CAPN6: variants seen among roughly 807,000 people sequenced by gnomAD.
CAPN6 encodes calpain-6.
In CAPN6, 16 loss-of-function variants were observed where a neutral mutation model predicts 46.0. That is an observed-to-expected ratio of 0.35 (90% CI 0.24 to 0.53). The LOEUF (loss-of-function observed/expected upper bound fraction) is 0.53. Among genes scored for constraint, CAPN6 ranks in the 20% least tolerant of loss-of-function variants. The pLI is 0.94. For synonymous variants in CAPN6, 206 were observed against 172.8 expected, an observed-to-expected ratio of 1.19 and a Z score of -1.51; for missense variants, 461 against 498.0, an observed-to-expected ratio of 0.93 and a Z score of 0.71.
chrX:111,247,894 A>G lies in CAPN6; in HGVS notation c.1583T>C (p.Leu528Pro), dbSNP rs1168273037. The G allele has an allele frequency of 8.3e-7, 1 of 1,209,025 alleles. No homozygotes were observed. The highest frequency in any genetic ancestry group is 1.1e-6 in the Non-Finnish European group (1 of 894,475). Residue 528 changes from leucine (L) to proline (P), a missense_variant, in exon 11 of 13, where the codon CTG becomes CCG. Transcript: ENST00000324068. ...ACTTTCATTGGCATACTTCTTCTCC[A>G]GGTCCTCAGCACTGTGAACAGTGAT... The part of the protein sequence containing the change: ...TQITVHSAED[L>P]EKKYANETVN...
Position 111,254,387 on chromosome X carries a change from G to A in CAPN6, c.182C>T (p.Pro61Leu). The change falls in exon 3 of 13, where the codon CCC (proline) becomes CTC (leucine). Residue 61 changes from proline (P) to leucine (L), a missense_variant. Transcript: ENST00000324068. Reference sequence around the variant, plus strand: ...GCTAATGTTGCCCACAATCAGATGGGGGTCATCACAGATGTCCTATGAATA... The same window carrying A: ...GCTAATGTTGCCCACAATCAGATGGAGGTCATCACAGATGTCCTATGAATA... ...WKRPQDICDD[P>L]HLIVGNISNH... is the part of the protein sequence containing the mutation. 1 of 1,206,019 alleles carries A rather than the reference G, an allele frequency of 8.3e-7. No individual in the cohort carries two copies. The highest frequency in any genetic ancestry group is 1.1e-6 in the Non-Finnish European group (1 of 890,812).
Position 111,263,809 on chromosome X carries a change from C to A in CAPN6, c.128G>T (p.Arg43Leu). The change falls in exon 2 of 13, where the codon CGA becomes CTA. Residue 43 changes from arginine (R) to leucine (L), a missense_variant. Arg to Leu is a moderately radical substitution (Grantham distance 102, BLOSUM62 -2). Transcript: ENST00000324068. ...LPENDSLFYNRLLPGKVVWKR... is the reference protein window; with the variant it reads ...LPENDSLFYNLLLPGKVVWKR... ...CCACACCACCTTTCCAGGAAGCAGT[C>A]GGTTGTAGAAAAGAGAATCATTCTC... The A allele has an allele frequency of 8.3e-7, 1 of 1,208,920 alleles. No individual in the cohort carries two copies. Among genetic ancestry groups the A allele is most frequent in the Non-Finnish European group, 1.1e-6 (1 of 894,252 alleles).
At chrX:111,259,591 C>G (rs1045018946) in intron 2 of CAPN6, among the ~76,000 whole-genome samples, 1 of 112,073 alleles carries the variant, frequency 8.9e-6, no homozygotes, top group Non-Finnish European at 1.9e-5. Context: ...CCACTCTCAA[C>G]CAGACAATGT....
chrX:111,267,668 A>T (rs1277632205), intron 1 of CAPN6, among the ~76,000 whole-genome samples: 2 of 111,892 alleles, frequency 1.8e-5, no homozygotes, highest in African/African-American at 6.5e-5. Flanking sequence ...GTGGTTCACA[A>T]GCCACTTTGG....
chrX:111,245,655 G>T lies in CAPN6; in HGVS notation c.*922C>A, dbSNP rs2094973788. The T allele has an allele frequency of 8.9e-6, 1 of 112,549 alleles. No individual in the cohort carries two copies. The highest frequency in any genetic ancestry group is 3.2e-5 in the African/African-American group (1 of 30,895). 9.3% of individuals were successfully genotyped at this position (112,549 alleles called of 1,213,427 possible). On this transcript the variant is annotated 3_prime_UTR_variant, in exon 13 of 13. Transcript: ENST00000324068. ...CATTGCAGTCAGGGGCCCCAAACTG[G>T]CTGTAATATGTCTGGATGAATTCTC...
intron 11 of CAPN6, 92 bp downstream of exon 11, chrX:111,247,779 G>C (rs758048906): frequency 2.8e-6 from 3 of 1,063,053 alleles, no homozygotes; most frequent in Non-Finnish European, 2.6e-6. Flanking sequence ...ACAAAATATC[G>C]CTGGAGAAAA....
rs17879807 is a variant in CAPN6 at position 111,254,195 on chromosome X, C to A, written c.297+77G>T. 9 of 1,087,455 alleles carry A rather than the reference C, an allele frequency of 8.3e-6. No homozygotes were observed. The African/African-American group carries it at 1.5e-4, about 18-fold the overall frequency. 89.6% of individuals were successfully genotyped at this position (1,087,455 alleles called of 1,213,427 possible). ...AATACAACAATCTAAGGAAGTTATG[C>A]GCTGATTTTTTTCCTAAAGTTATTA... On this transcript the variant is annotated intron_variant, in intron 3 of 12. Transcript: ENST00000324068.
intron 1 of CAPN6, among the ~76,000 whole-genome samples, chrX:111,264,771 C>G (rs1283487281): frequency 9.1e-6 from 1 of 110,326 alleles, no homozygotes; most frequent in Non-Finnish European, 1.9e-5. Context: ...CATATAGTGG[C>G]TCTTCAAGCA....
chrX:111,247,655 C>G (rs1298910441), intron 11 of CAPN6, 151 bp from the exon 12 acceptor site: 2 of 671,841 alleles, frequency 3.0e-6, no homozygotes, highest in Non-Finnish European at 4.4e-6. Context: ...TTCCCACTTC[C>G]CTTTCCTTTT....
intron 2 of CAPN6, 118 bp from the exon 3 acceptor site, chrX:111,254,521 G>A (rs1432634909): frequency 1.4e-5 from 7 of 498,632 alleles, no homozygotes; most frequent in Non-Finnish European, 2.3e-5. Flanking sequence ...TGAAAAATAA[G>A]TAGGATTTCC....
In CAPN6 at chrX:111,246,556, G is replaced by C. The variant is rs765226420; in HGVS notation, c.*21C>G. ...AATAAAAGGGTGGCACGCTTTGTCA[G>C]GATTCTCTGGGATTGCAGATTTAGA... On this transcript the variant is annotated 3_prime_UTR_variant, in exon 13 of 13. Coordinates refer to ENST00000324068, the MANE Select transcript of CAPN6 (RefSeq NM_014289.4). The C allele has an allele frequency of 3.4e-6, 4 of 1,186,426 alleles. No individual in the cohort carries two copies. Among genetic ancestry groups the C allele is most frequent in the Non-Finnish European group, 4.6e-6 (4 of 875,967 alleles).
intron 1 of CAPN6, among the ~76,000 whole-genome samples, chrX:111,268,414 T>A (rs775408626): frequency 4.5e-4 from 51 of 112,561 alleles, no homozygotes; most frequent in Non-Finnish European, 8.1e-4. Flanking sequence ...AGCTTCCCTG[T>A]CTACTTCAGA....
intron 2 of CAPN6, among the ~76,000 whole-genome samples, chrX:111,254,808 G>A (rs1054701643): frequency 2.7e-5 from 3 of 111,733 alleles, no homozygotes; most frequent in Admixed American, 9.5e-5. Context: ...AAGCACCTGT[G>A]CTTGGAAGGG....
At chrX:111,248,448 T>C in intron 10 of CAPN6, 121 bp downstream of exon 10, 1 of 541,337 alleles carries the variant, frequency 1.8e-6, no homozygotes, top group Non-Finnish European at 3.2e-6. Flanking sequence ...TTTCAGTGAA[T>C]CAAGTCTGAT....
intron 2 of CAPN6, among the ~76,000 whole-genome samples, chrX:111,261,146 G>C (rs2094987629): frequency 8.9e-6 from 1 of 112,342 alleles, no homozygotes; most frequent in Non-Finnish European, 1.9e-5. Flanking sequence ...GTGAAAACAG[G>C]GGACACAAAC....
At chrX:111,261,448 C>T (rs891514300) in intron 2 of CAPN6, among the ~76,000 whole-genome samples, 6 of 112,476 alleles carry the variant, frequency 5.3e-5, no homozygotes, top group Non-Finnish European at 7.5e-5. Context: ...TAGAAAACTT[C>T]AAACACAGTA....
chrX:111,261,667 G>T (rs1447123742), intron 2 of CAPN6, among the ~76,000 whole-genome samples: 1 of 112,142 alleles, frequency 8.9e-6, no homozygotes, highest in African/African-American at 3.2e-5. Flanking sequence ...AAAGGACAAT[G>T]GACTGAGCCA....
At chrX:111,261,048 G>A (rs767907699) in intron 2 of CAPN6, among the ~76,000 whole-genome samples, 42 of 112,099 alleles carry the variant, frequency 3.7e-4, no homozygotes, top group African/African-American at 1.3e-3. Flanking sequence ...GCTCTCAAAC[G>A]GGAGAGTGTG....
Position 111,254,421 on chromosome X carries a change from G to C in CAPN6, c.166-18C>G. ...CAGATGTCCTATGAATACAATAATT[G>C]GTTATATGAGAGTCTGGGAAGAGTT... On this transcript the variant is annotated intron_variant, in intron 2 of 12. Coordinates refer to ENST00000324068, the MANE Select transcript of CAPN6 (RefSeq NM_014289.4). The C allele has an allele frequency of 8.6e-7, 1 of 1,159,015 alleles. No individual in the cohort carries two copies. The highest frequency in any genetic ancestry group is 1.2e-6 in the Non-Finnish European group (1 of 850,426).
Sources: allele counts gnomAD v4.1 joint callset (sites outside exome capture counted in the v4.1 genomes callset), GRCh38; gene constraint gnomAD v4.1.1; transcripts MANE v1.5; gene names NCBI Gene and HGNC (gene_info 2026-07-23, HGNC 2026-07-21).